Variants in ITGAD observed in about 807,000 individuals in gnomAD.
ITGAD encodes integrin alpha-D.
ITGAD carries 105 observed loss-of-function variants against 139.0 expected under a neutral mutation model. The observed-to-expected ratio is 0.76, with a 90% CI of 0.65 to 0.89. ITGAD has a LOEUF of 0.89. Ranked by LOEUF, ITGAD falls within the 40% of genes least tolerant of loss-of-function variation. The pLI, the probability that ITGAD is intolerant of heterozygous loss-of-function variation, is 0.00. For synonymous variants in ITGAD, 569 were observed against 598.3 expected (o/e 0.95, Z 0.71); for missense variants, 1,384 against 1,487.3 (o/e 0.93, Z 1.14).
At chr16:31,422,104 T>C (rs1450708398) in intron 23 of ITGAD, among the ~76,000 whole-genome samples, 1 of 146,164 alleles carries the variant, frequency 6.8e-6, no homozygotes, top group Non-Finnish European at 1.5e-5. Context: ...CTAATGTTTG[T>C]ATTTTTTTTT....
chr16:31,416,774 C>T (rs1453024845), intron 20 of ITGAD, 128 bp downstream of exon 20: 5 of 833,162 alleles, frequency 6.0e-6, no homozygotes, highest in Non-Finnish European at 7.3e-6. Flanking sequence ...CACACACACA[C>T]ACATACACAC....
intron 2 of ITGAD, among the ~76,000 whole-genome samples, chr16:31,396,219 C>T (rs1304077229): frequency 6.6e-6 from 1 of 152,150 alleles, no homozygotes; most frequent in African/African-American, 2.4e-5. Flanking sequence ...TGCCTATAAT[C>T]CTAGAACTTT....
chr16:31,400,605 G>C (rs952219339), intron 5 of ITGAD, among the ~76,000 whole-genome samples: 7 of 152,158 alleles, frequency 4.6e-5, no homozygotes, highest in Non-Finnish European at 8.8e-5. Flanking sequence ...AGGTCACTTG[G>C]GAATGTTCTT....
intron 9 of ITGAD, 91 bp downstream of exon 9, chr16:31,408,007 T>A (rs1330172588): frequency 2.2e-6 from 3 of 1,355,430 alleles, no homozygotes. Flanking sequence ...GAGTCTCACT[T>A]TGTCCCCAGG....
chr16:31,419,812 C>CAAAAAAAAAAAAA (rs1202333629), intron 23 of ITGAD, among the ~76,000 whole-genome samples: 4 of 58,218 alleles, frequency 6.9e-5, no homozygotes, highest in African/African-American at 2.3e-4. Flanking sequence ...GGCTCTGTCT[C>CAAAAAAAAAAAAA]AAAAAAAAAA....
At position 31,393,336 on chromosome 16, in the gene ITGAD, C is replaced by T. The variant is rs1297395557; in HGVS notation, c.-25C>T. 2 of 1,614,096 alleles carry T rather than the reference C, an allele frequency of 1.2e-6. No homozygotes were observed. The highest frequency in any genetic ancestry group is 1.7e-5 in the Admixed American group (1 of 60,014). Reference sequence around the variant, plus strand: ...TCTGTGCTCTGTCCCCAACCTTCCACTTCCCCTCAACGCGCTGCTCAGGGA... The same window carrying T: ...TCTGTGCTCTGTCCCCAACCTTCCATTTCCCCTCAACGCGCTGCTCAGGGA... On this transcript the variant is annotated 5_prime_UTR_variant, in exon 1 of 30. Coordinates refer to ENST00000389202, the MANE Select transcript of ITGAD (RefSeq NM_005353.3).
chr16:31,425,263 G>A (rs2082090434), intron 29 of ITGAD, among the ~76,000 whole-genome samples: 3 of 151,612 alleles, frequency 2.0e-5, no homozygotes, highest in Admixed American at 2.0e-4. Context: ...GTAGAGAGAG[G>A]TTTCACCATG....
Position 31,418,101 on chromosome 16 carries a change from C to T in ITGAD, c.2526C>T (p.Arg842=), listed in dbSNP as rs763890941. Residue 842 remains arginine, a synonymous_variant, in exon 21 of 30, where the codon CGC becomes CGT. Transcript: ENST00000389202. ...AQKQPHQSAL[R]LACETVPTED... ...AGCAGCCCCATCAGAGTGCCCTGCG[C>T]CTGGCATGTGAGACAGTGCCCACTG... 1.2e-6 allele frequency: 2 copies of T among 1,613,940 alleles called. No individual in the cohort carries two copies. The highest frequency in any genetic ancestry group is 2.2e-5 in the East Asian group (1 of 44,882).
At position 31,402,136 on chromosome 16, in the gene ITGAD, A is replaced by C. The variant is rs1199557753; in HGVS notation, c.449A>C (p.Asp150Ala). The C allele has an allele frequency of 8.7e-6, 14 of 1,613,900 alleles. No individual in the cohort carries two copies. The highest frequency in any genetic ancestry group is 1.2e-5 in the Non-Finnish European group (14 of 1,179,900). ...ACAGAGTGTCCACATCAAGAGATGGACATCGTCTTCCTGATTGACGGCTCT... is the reference window on the plus strand; with the variant it reads ...ACAGAGTGTCCACATCAAGAGATGGCCATCGTCTTCCTGATTGACGGCTCT... ...ATPECPHQEM[D>A]IVFLIDGSGS... The change falls in exon 6 of 30, where the codon GAC (aspartate) becomes GCC (alanine). Residue 150 changes from aspartate to alanine, a missense_variant. Transcript: ENST00000389202.
Position 31,403,628 on chromosome 16 carries a change from G to C in ITGAD, c.687G>C (p.Thr229=), listed in dbSNP as rs747270842. Residue 229 remains threonine (T), a synonymous_variant, in exon 7 of 30, where the codon ACG becomes ACC. Transcript: ENST00000389202. This position sits in a 1 kb window ranked among gnomAD's most constrained non-coding sequence, Gnocchi z 4.4. ...VQLKGLTFTA[T]GILTVVTQLF... ...TGAAAGGCCTGACGTTCACGGCCAC[G>C]GGCATCCTGACAGTGGTGTAAGCAA... 3.1e-6 allele frequency: 5 copies of C among 1,613,978 alleles called. No individual in the cohort carries two copies. In the African/African-American group the frequency reaches 6.7e-5, roughly 22 times the overall value.
chr16:31,400,438 C>T (rs575355105), intron 5 of ITGAD, among the ~76,000 whole-genome samples: 13 of 152,242 alleles, frequency 8.5e-5, no homozygotes, highest in South Asian at 4.1e-4. Context: ...CAGTGCCCTG[C>T]GGGCAGCACA....
chr16:31,410,561 T>C (rs2081664391), intron 11 of ITGAD, 37 bp downstream of exon 11: 1 of 1,496,896 alleles, frequency 6.7e-7, no homozygotes, highest in South Asian at 1.1e-5. Context: ...AGGTTGGAGA[T>C]GCACTGCCCA....
In ITGAD at chr16:31,407,573, G is replaced by C; in HGVS notation, c.763G>C (p.Val255Leu). ...AAAAAGTGCCAAGAAGATCCTCATT[G>C]TCATCACAGATGGGCAGAAGTACAA... is the stretch of plus-strand genomic sequence containing the variant. ...ARKSAKKILIVITDGQKYKDP... is the reference protein window; with the variant it reads ...ARKSAKKILILITDGQKYKDP... Residue 255 changes from valine (V) to leucine (L), a missense_variant, in exon 8 of 30, where the codon GTC (valine) becomes CTC (leucine). Transcript: ENST00000389202. 6.2e-7 allele frequency: 1 copy of C among 1,612,308 alleles called. No homozygotes were observed. Among genetic ancestry groups the C allele is most frequent in the Non-Finnish European group, 8.5e-7 (1 of 1,179,182 alleles).
At chr16:31,398,455 G>A (rs1473541748) in intron 5 of ITGAD, among the ~76,000 whole-genome samples, 1 of 150,474 alleles carries the variant, frequency 6.6e-6, no homozygotes, top group Non-Finnish European at 1.5e-5. Context: ...AAAAAACAGA[G>A]TTTCTGTCAG....
Position 31,402,329 on chromosome 16 carries a change from G to A in ITGAD, c.558+84G>A, listed in dbSNP as rs947216135. 46 of 1,211,814 alleles carry A rather than the reference G, an allele frequency of 3.8e-5. No homozygotes were observed. The African/African-American group carries it at 6.9e-4, about 18-fold the overall frequency. The allele number at this position is 1,211,814 out of a possible 1,614,324, so 75.1% of individuals were successfully genotyped here. A position where few individuals can be genotyped will look rare whatever the true frequency, so the allele number is the denominator to read the frequency against. On this transcript the variant is annotated intron_variant, in intron 6 of 29. Transcript: ENST00000389202. ...GGCATCCCGGGAGGGGTGGGGGCAGGCCAGTGAGCCGTGTGTGATGGGGCT... is the reference window on the plus strand; with the variant it reads ...GGCATCCCGGGAGGGGTGGGGGCAGACCAGTGAGCCGTGTGTGATGGGGCT...
Position 31,403,789 on chromosome 16 carries a change from C to T in ITGAD, c.704+144C>T. On this transcript the variant is annotated intron_variant, in intron 7 of 29. Coordinates refer to ENST00000389202, the MANE Select transcript of ITGAD (RefSeq NM_005353.3). The surrounding 1 kb of genome is among the most constrained non-coding windows in gnomAD (Gnocchi z 4.4). ...CATGTCGGGGCTGCAGGGAGAACCTCCCCCCGGGGTGCTCCTGGTTGCCTC... is the reference window on the plus strand; with the variant it reads ...CATGTCGGGGCTGCAGGGAGAACCTTCCCCCGGGGTGCTCCTGGTTGCCTC... The T allele has an allele frequency of 2.9e-6, 3 of 1,018,398 alleles. No individual in the cohort carries two copies. Among genetic ancestry groups the T allele is most frequent in the Non-Finnish European group, 4.3e-6 (3 of 704,700 alleles). The allele number at this position is 1,018,398 out of a possible 1,614,324, so 63.1% of individuals were successfully genotyped here. A position where few individuals can be genotyped will look rare whatever the true frequency, so the allele number is the denominator to read the frequency against.
rs2081311428 is a variant in ITGAD, at chr16:31,397,884, CCAGA to C, written c.406_409del (p.Thr136SerfsTer18). 3 of 1,613,228 alleles carry C rather than the reference CCAGA, an allele frequency of 1.9e-6. No individual in the cohort carries two copies. The highest frequency in any genetic ancestry group is 2.5e-6 in the Non-Finnish European group (3 of 1,179,774). On this transcript the variant is annotated frameshift_variant, in exon 5 of 30. Coordinates refer to ENST00000389202, the MANE Select transcript of ITGAD (RefSeq NM_005353.3). LOFTEE classifies it high-confidence loss of function. ...TGCTGGGCTCGCGCTGGGAGATCAT[CCAGA>C]CAGTCCCCGACGCCACGCCAGGTAG...
chr16:31,408,547 AC>A (rs2142726478), intron 10 of ITGAD, 49 bp downstream of exon 10: 1 of 1,527,398 alleles, frequency 6.5e-7, no homozygotes, highest in Admixed American at 1.7e-5. Context: ...CCAACTCTGC[AC>A]CCACCCTGGG....
At chr16:31,397,977 G>A (rs2081314383) in intron 5 of ITGAD, 68 bp downstream of exon 5, 1 of 1,239,828 alleles carries the variant, frequency 8.1e-7, no homozygotes, top group South Asian at 1.3e-5. Flanking sequence ...CAGGCGTGAG[G>A]CCTGTGTCTG....
Sources: allele counts gnomAD v4.1 joint callset (sites outside exome capture counted in the v4.1 genomes callset), GRCh38; gene constraint gnomAD v4.1.1; non-coding constraint Gnocchi (gnomAD v3.1); transcripts MANE v1.5; gene names NCBI Gene and HGNC (gene_info 2026-07-23, HGNC 2026-07-21).